The following PPP2R5E variants were observed in gnomAD, a reference collection of about 807,000 sequenced individuals.
The protein encoded by PPP2R5E is serine/threonine-protein phosphatase 2A 56 kDa regulatory subunit epsilon isoform.
In PPP2R5E, 4 loss-of-function variants were observed where a neutral mutation model predicts 65.3. The ratio of observed to expected loss-of-function variants is 0.06; its 90% CI spans 0.03 to 0.14. The LOEUF is 0.14. Ranked by LOEUF, PPP2R5E falls within the 10% of genes least tolerant of loss-of-function variation. The pLI, the probability that PPP2R5E is intolerant of heterozygous loss-of-function variation, is 1.00. For synonymous variants in PPP2R5E, 183 were observed against 187.4 expected, an observed-to-expected ratio of 0.98 and a Z score of 0.19; for missense variants, 274 against 556.1, an observed-to-expected ratio of 0.49 and a Z score of 5.10.
intron 2 of PPP2R5E, among the ~76,000 whole-genome samples, chr14:63,455,400 A>G (rs958650147): frequency 1.3e-5 from 2 of 152,200 alleles, no homozygotes; most frequent in Non-Finnish European, 2.9e-5. Flanking sequence ...GAAGCAGTCC[A>G]TATCTTTGAA....
At chr14:63,406,823 C>T (rs769003791) in intron 5 of PPP2R5E, among the ~76,000 whole-genome samples, 8 of 152,218 alleles carry the variant, frequency 5.3e-5, no homozygotes, top group African/African-American at 1.4e-4. Context: ...GAGAACCCAA[C>T]AGCCTGTGAA....
intron 5 of PPP2R5E, among the ~76,000 whole-genome samples, chr14:63,401,092 A>G (rs576726931): frequency 6.6e-6 from 1 of 152,346 alleles, no homozygotes; most frequent in Admixed American, 6.5e-5. Flanking sequence ...AAAGCCACAA[A>G]TATTAAATGT....
chr14:63,488,021 C>A (rs187540420), intron 2 of PPP2R5E, among the ~76,000 whole-genome samples: 1 of 152,114 alleles, frequency 6.6e-6, no homozygotes, highest in Non-Finnish European at 1.5e-5. Flanking sequence ...CTGGGAAGCA[C>A]CTTTTACATT....
intron 2 of PPP2R5E, among the ~76,000 whole-genome samples, chr14:63,495,008 A>G (rs1474791319): frequency 6.6e-6 from 1 of 151,974 alleles, no homozygotes; most frequent in African/African-American, 2.4e-5. Flanking sequence ...GTTGGAGACC[A>G]GCCTGGCTAA....
intron 2 of PPP2R5E, among the ~76,000 whole-genome samples, chr14:63,526,335 T>C (rs993447830): frequency 2.6e-5 from 4 of 152,218 alleles, no homozygotes; most frequent in African/African-American, 9.6e-5. Context: ...TAGAACTCTA[T>C]ATCTTATTTT....
intron 2 of PPP2R5E, among the ~76,000 whole-genome samples, chr14:63,478,432 A>G (rs1296406716): frequency 6.6e-6 from 1 of 152,084 alleles, no homozygotes; most frequent in African/African-American, 2.4e-5. Flanking sequence ...TTTAAACCAC[A>G]TTTTCCTCAA....
chr14:63,435,539 A>G (rs1887912169), intron 3 of PPP2R5E, among the ~76,000 whole-genome samples: 1 of 152,176 alleles, frequency 6.6e-6, no homozygotes, highest in Non-Finnish European at 1.5e-5. Flanking sequence ...TAGGGTCTGG[A>G]GAAAGAAAAG....
In PPP2R5E at chr14:63,514,509, A is replaced by AAG. The variant is rs1012714314; in HGVS notation, c.157+25018_157+25019dup. On this transcript the variant is annotated intron_variant, in intron 2 of 13. Coordinates refer to ENST00000337537, the MANE Select transcript of PPP2R5E (RefSeq NM_006246.5). ...CAAAAACTCTCTTCATTAAAAAAAA[A>AAG]AGAGAGAGAGAGACTCTCTAGAAGA... 1.8e-3 allele frequency among the ~76,000 whole-genome samples: 270 copies of AAG among 152,170 alleles called. 1 individual carries two copies. Among genetic ancestry groups the AAG allele is most frequent in the African/African-American group, 6.2e-3 (257 of 41,508 alleles).
chr14:63,387,850 G>A (rs548019029), intron 11 of PPP2R5E, among the ~76,000 whole-genome samples: 11 of 152,278 alleles, frequency 7.2e-5, no homozygotes, highest in African/African-American at 1.9e-4. Flanking sequence ...GGAAGAGAGT[G>A]AGATTGCCTC....
intron 3 of PPP2R5E, among the ~76,000 whole-genome samples, chr14:63,441,714 AT>A (rs1361165289): frequency 2.6e-5 from 4 of 152,138 alleles, no homozygotes; most frequent in Non-Finnish European, 5.9e-5. Context: ...GATTGAGACC[AT>A]CCTGGCTAAC....
In PPP2R5E at chr14:63,482,331, T is replaced by C. The variant is rs548578556; in HGVS notation, c.158-28446A>G. Among the ~76,000 whole-genome samples the C allele has an allele frequency of 2.1e-3, 324 of 152,194 alleles. 1 individual carries two copies. Among genetic ancestry groups the C allele is most frequent in the African/African-American group, 7.4e-3 (309 of 41,532 alleles). On this transcript the variant is annotated intron_variant, in intron 2 of 13. Transcript: ENST00000337537. ...AAAATTAGCCGGGCATGGTGGCGCG[T>C]GCTTGTAATCTCAGCTACTCAGGAG... is the stretch of plus-strand genomic sequence containing the variant.
intron 2 of PPP2R5E, among the ~76,000 whole-genome samples, chr14:63,507,678 C>G (rs1892264812): frequency 6.8e-6 from 1 of 147,134 alleles, no homozygotes; most frequent in South Asian, 2.1e-4. Context: ...CTCCCAGGTT[C>G]ACACCATTCT....
intron 3 of PPP2R5E, among the ~76,000 whole-genome samples, chr14:63,439,663 C>G (rs1285307251): frequency 3.3e-5 from 5 of 152,176 alleles, no homozygotes; most frequent in African/African-American, 1.2e-4. Context: ...CGTGAGCCAC[C>G]GCGCCCAGCC....
In PPP2R5E at chr14:63,415,364, G is replaced by A. The variant is rs576905045; in HGVS notation, c.457-132C>T. The A allele has an allele frequency of 7.8e-6, 4 of 512,214 alleles. No individual in the cohort carries two copies. In the Admixed American group the frequency reaches 1.2e-4, roughly 15 times the overall value. 31.7% of individuals were successfully genotyped at this position (512,214 alleles called of 1,614,324 possible). A position where few individuals can be genotyped will look rare whatever the true frequency, so the allele number is the denominator to read the frequency against. On this transcript the variant is annotated intron_variant, in intron 4 of 13. Coordinates refer to ENST00000337537, the MANE Select transcript of PPP2R5E (RefSeq NM_006246.5). ...ATTTTAATATCAATCAACAAACCAG[G>A]CCAGCCTTTCTTGTGGCTCACAGTT...
At chr14:63,392,138 C>G (rs1015096641) in intron 8 of PPP2R5E, 113 bp from the exon 9 acceptor site, 3 of 651,336 alleles carry the variant, frequency 4.6e-6, no homozygotes, top group Non-Finnish European at 7.4e-6. Flanking sequence ...AATAACTTCA[C>G]ATTCAATTCA....
At chr14:63,397,866 T>G (rs1283237870) in intron 5 of PPP2R5E, among the ~76,000 whole-genome samples, 1 of 151,980 alleles carries the variant, frequency 6.6e-6, no homozygotes, top group Non-Finnish European at 1.5e-5. Context: ...TAGCTGGGAC[T>G]AAAGGCACCT....
At chr14:63,474,565 C>T (rs12884394) in intron 2 of PPP2R5E, among the ~76,000 whole-genome samples, 1 of 147,310 alleles carries the variant, frequency 6.8e-6, no homozygotes, top group Admixed American at 7.0e-5. Flanking sequence ...CCCAGCTACT[C>T]GGGAGGCTGA....
intron 2 of PPP2R5E, among the ~76,000 whole-genome samples, chr14:63,521,837 G>C (rs2139727765): frequency 6.6e-6 from 1 of 152,208 alleles, no homozygotes; most frequent in South Asian, 2.1e-4. Flanking sequence ...CAAACTGGGG[G>C]AAAACACCAC....
intron 2 of PPP2R5E, among the ~76,000 whole-genome samples, chr14:63,529,495 G>A (rs534139861): frequency 2.0e-5 from 3 of 151,878 alleles, no homozygotes; most frequent in Non-Finnish European, 4.4e-5. Context: ...CGAGTAGCTG[G>A]GACTACAGGC....
Sources: allele counts gnomAD v4.1 joint callset (sites outside exome capture counted in the v4.1 genomes callset), GRCh38; gene constraint gnomAD v4.1.1; transcripts MANE v1.5; gene names NCBI Gene and HGNC (gene_info 2026-07-23, HGNC 2026-07-21).